The following TCF25 variants were observed in gnomAD, a reference collection of about 807,000 sequenced individuals.
TCF25 encodes the protein TCF25 ribosome quality control complex subunit.
A neutral mutation model predicts 83.1 loss-of-function variants in TCF25; 41 were observed. The ratio of observed to expected loss-of-function variants is 0.49; its 90% CI spans 0.38 to 0.64. TCF25 has a LOEUF of 0.64. Among genes scored for constraint, TCF25 ranks in the 30% least tolerant of loss-of-function variants. The pLI, the probability that TCF25 is intolerant of heterozygous loss-of-function variation, is 0.00. For synonymous variants in TCF25, 458 were observed against 365.0 expected (o/e 1.25, Z -2.90); for missense variants, 979 against 914.5 (o/e 1.07, Z -0.91).
Position 89,910,618 on chromosome 16 carries a change from C to G in TCF25, c.1827C>G (p.Thr609=). Residue 609 remains threonine (T), a synonymous_variant, in exon 17 of 18, where the codon ACC becomes ACG. Coordinates refer to ENST00000263346, the MANE Select transcript of TCF25 (RefSeq NM_014972.3). ...ERLSPISHGN[T]IALFFRSLLP... ...TAAGTCCTATCAGCCATGGAAACAC[C>G]ATTGCTCTCTTCTTCCGGTCACTGT... 7 of 1,613,758 alleles carry G rather than the reference C, an allele frequency of 4.3e-6. No individual in the cohort carries two copies. Among genetic ancestry groups the G allele is most frequent in the Non-Finnish European group, 5.1e-6 (6 of 1,179,972 alleles).
intron 17 of TCF25, among the ~76,000 whole-genome samples, chr16:89,910,872 C>T (rs2045498598): frequency 6.6e-6 from 1 of 152,372 alleles, no homozygotes; most frequent in African/African-American, 2.4e-5. Flanking sequence ...GGCCGTGAGT[C>T]AGCCGGCTTG....
chr16:89,889,953 T>A (rs1026932361), intron 5 of TCF25: 1 of 151,890 alleles, frequency 6.6e-6, no homozygotes, highest in African/African-American at 2.4e-5. Flanking sequence ...CACTGCAACC[T>A]CCGCCTCCTG....
rs2043120006 is a variant in TCF25, at chr16:89,887,665, G to C, written c.562G>C (p.Asp188His). The C allele has an allele frequency of 6.3e-7, 1 of 1,593,372 alleles. No homozygotes were observed. Among genetic ancestry groups the C allele is most frequent in the Non-Finnish European group, 8.5e-7 (1 of 1,173,466 alleles). Residue 188 changes from aspartate to histidine, a missense_variant, in exon 5 of 18, where the codon GAC becomes CAC. By Grantham distance (81) the Asp-to-His change is moderately conservative. Transcript: ENST00000263346. The part of the protein sequence containing the change: ...LYVEHRHLNP[D>H]TELKRYFGAR... Reference sequence around the variant, plus strand: ...TCAATTCCCCAGACACTTGAATCCAGACACAGAACTGAAAAGGTATTTTGG... The same window carrying C: ...TCAATTCCCCAGACACTTGAATCCACACACAGAACTGAAAAGGTATTTTGG...
chr16:89,904,665 G>A (rs1555617819), intron 13 of TCF25: 5 of 581,244 alleles, frequency 8.6e-6, no homozygotes, highest in South Asian at 1.8e-5. Context: ...CTCGCCCTGT[G>A]TGCACGCAGA....
Position 89,873,633 on chromosome 16 carries a change from C to CT in TCF25, c.-34dup. 2 of 1,494,186 alleles carry CT rather than the reference C, an allele frequency of 1.3e-6. No homozygotes were observed. The highest frequency in any genetic ancestry group is 1.8e-6 in the Non-Finnish European group (2 of 1,125,854). 92.6% of individuals were successfully genotyped at this position (1,494,186 alleles called of 1,614,324 possible). On this transcript the variant is annotated 5_prime_UTR_variant, in exon 1 of 18. Coordinates refer to ENST00000263346, the MANE Select transcript of TCF25 (RefSeq NM_014972.3). ...ACAGCCGAGTTTTCTGCGCTTCCTT[C>CT]TCCCTCTCTCCAGACGTCGTGGTCG...
intron 1 of TCF25, chr16:89,874,598 G>A (rs1421359444): frequency 1.3e-5 from 2 of 152,348 alleles, no homozygotes; most frequent in African/African-American, 2.4e-5. Flanking sequence ...CCGGCAGCTC[G>A]TTTCTGGCAC....
intron 8 of TCF25, 149 bp from the exon 9 acceptor site, chr16:89,895,841 G>C: frequency 3.1e-6 from 2 of 638,424 alleles, no homozygotes; most frequent in East Asian, 2.9e-5. Context: ...CATCCAGGGT[G>C]CCCAGGGGCA....
chr16:89,893,588 C>G, intron 6 of TCF25, 140 bp from the exon 7 acceptor site: 1 of 1,334,990 alleles, frequency 7.5e-7, no homozygotes, highest in Non-Finnish European at 1.0e-6. Flanking sequence ...GAGCTGGTGA[C>G]ACCCATGAGT....
At chr16:89,888,417 G>A (rs949019150) in intron 5 of TCF25, among the ~76,000 whole-genome samples, 5 of 151,630 alleles carry the variant, frequency 3.3e-5, no homozygotes, top group African/African-American at 9.7e-5. Context: ...GAGAAACCCC[G>A]TCTCTACTAA....
At chr16:89,885,988 GCGGC>G (rs754271552) in intron 4 of TCF25, 22 bp downstream of exon 4, 15 of 1,597,446 alleles carry the variant, frequency 9.4e-6, no homozygotes, top group South Asian at 2.2e-5. Flanking sequence ...GCCCTTCTCT[GCGGC>G]TGCCCTTCTC....
intron 1 of TCF25, among the ~76,000 whole-genome samples, chr16:89,876,687 G>A (rs1374976298): frequency 6.6e-6 from 1 of 152,122 alleles, no homozygotes; most frequent in Admixed American, 6.6e-5. Context: ...AGCACTTTGG[G>A]AGGCCGACGT....
At chr16:89,905,981 T>C (rs1443184186) in intron 14 of TCF25, among the ~76,000 whole-genome samples, 2 of 152,098 alleles carry the variant, frequency 1.3e-5, no homozygotes, top group African/African-American at 4.8e-5. Flanking sequence ...TCACTGGCCA[T>C]GTGGCTGGGA....
At chr16:89,881,557 C>T (rs1460634460) in intron 1 of TCF25, among the ~76,000 whole-genome samples, 1 of 151,914 alleles carries the variant, frequency 6.6e-6, no homozygotes, top group African/African-American at 2.4e-5. Flanking sequence ...TGGGCTCACG[C>T]AGTCCTCCTC....
chr16:89,904,163 G>C lies in TCF25; in HGVS notation c.1427G>C (p.Ser476Thr). Residue 476 changes from serine to threonine, a missense_variant, in exon 13 of 18, where the codon AGC becomes ACC. Coordinates refer to ENST00000263346, the MANE Select transcript of TCF25 (RefSeq NM_014972.3). ...TCTTGCAGTGTGCGGCCCGACGCCA[G>C]CGTTTCCAGTCACCGCTTCTTTGGA... ...LESCSVRPDA[S>T]VSSHRFFGPN... 1 of 1,603,888 alleles carries C rather than the reference G, an allele frequency of 6.2e-7. No individual in the cohort carries two copies. The highest frequency in any genetic ancestry group is 8.5e-7 in the Non-Finnish European group (1 of 1,175,304).
chr16:89,883,708 C>T, intron 2 of TCF25, 196 bp downstream of exon 2: 4 of 620,554 alleles, frequency 6.4e-6, no homozygotes, highest in Non-Finnish European at 1.1e-5. Context: ...GCAGGCCTTT[C>T]TCCTGCATCT....
intron 1 of TCF25, chr16:89,878,433 C>CTTTTTTTTT: frequency 3.5e-6 from 3 of 862,020 alleles, no homozygotes; most frequent in Non-Finnish European, 4.7e-6. Context: ...TAAAAATCAC[C>CTTTTTTTTT]ATTTTTTTTT....
At chr16:89,900,827 G>A in intron 12 of TCF25, 33 bp downstream of exon 12, 8 of 1,520,124 alleles carry the variant, frequency 5.3e-6, no homozygotes, top group East Asian at 2.3e-5. Flanking sequence ...CTGGGGTAGG[G>A]GTGTGTCCTG....
Position 89,892,228 on chromosome 16 carries a change from C to T in TCF25, c.650C>T (p.Thr217Ile), listed in dbSNP as rs763447975. 1.2e-6 allele frequency: 2 copies of T among 1,613,156 alleles called. No individual in the cohort carries two copies. Among genetic ancestry groups the T allele is most frequent in the Admixed American group, 3.3e-5 (2 of 59,950 alleles). The stretch of plus-strand genomic sequence containing the variant: ...AGACAACGTGTGTACCCCAAGTGCA[C>T]ATGGCTGACCACCCCTAAAAGCACC... ...RQRQRVYPKC[T>I]WLTTPKSTWP... Residue 217 changes from threonine (T) to isoleucine (I), a missense_variant, in exon 6 of 18, where the codon ACA becomes ATA. Physicochemically the swap from Thr to Ile is moderately conservative, Grantham distance 89. Coordinates refer to ENST00000263346, the MANE Select transcript of TCF25 (RefSeq NM_014972.3).
intron 4 of TCF25, among the ~76,000 whole-genome samples, chr16:89,887,245 C>G (rs1459402429): frequency 6.6e-6 from 1 of 151,972 alleles, no homozygotes; most frequent in Non-Finnish European, 1.5e-5. Context: ...TAATTCATCT[C>G]TTGGTCTTAC....
Sources: gnomAD v4.1 joint callset for allele counts (sites outside exome capture counted in the v4.1 genomes callset) on GRCh38, gnomAD v4.1.1 for gene constraint, MANE v1.5 for transcripts, NCBI Gene and HGNC (gene_info 2026-07-23, HGNC 2026-07-21) for gene names.